Variants in KCNIP4 observed in about 807,000 individuals in gnomAD.
KCNIP4 encodes the protein potassium voltage-gated channel interacting protein 4.
KCNIP4 carries 12 observed loss-of-function variants against 34.0 expected under a neutral mutation model. The observed-to-expected ratio is 0.35, with a 90% CI of 0.23 to 0.57. The LOEUF is 0.57. Ranked by LOEUF, KCNIP4 falls within the 20% of genes least tolerant of loss-of-function variation. The pLI is 0.83. For missense variants in KCNIP4, 238 were observed against 311.7 expected (o/e 0.76, Z 1.78); for synonymous variants, 124 against 102.2 (o/e 1.21, Z -1.29).
intron 1 of KCNIP4, among the ~76,000 whole-genome samples, chr4:21,544,119 A>G (rs1365038647): frequency 6.6e-6 from 1 of 152,080 alleles, no homozygotes; most frequent in Non-Finnish European, 1.5e-5. Context: ...GGTCTTTCCC[A>G]GCTTTTTGCA....
chr4:21,654,934 G>A (rs1006147731), intron 1 of KCNIP4, among the ~76,000 whole-genome samples: 3 of 151,272 alleles, frequency 2.0e-5, no homozygotes, highest in African/African-American at 7.3e-5. Context: ...AAAAAAAAAA[G>A]GAAAGAAAAA....
chr4:21,293,071 G>C (rs1025889248), intron 1 of KCNIP4, among the ~76,000 whole-genome samples: 2 of 152,198 alleles, frequency 1.3e-5, no homozygotes, highest in African/African-American at 4.8e-5. Flanking sequence ...GACATGGATA[G>C]ATAACCATAT....
intron 3 of KCNIP4, among the ~76,000 whole-genome samples, chr4:20,764,700 A>ACG (rs1755237988): frequency 1.3e-5 from 2 of 151,462 alleles, no homozygotes; most frequent in African/African-American, 4.9e-5. Flanking sequence ...ACACACACAC[A>ACG]CACACACAAC....
intron 7 of KCNIP4, among the ~76,000 whole-genome samples, 187 bp from the exon 8 acceptor site, chr4:20,732,255 T>C (rs973603386): frequency 1.2e-4 from 19 of 152,198 alleles, no homozygotes; most frequent in African/African-American, 4.3e-4. Context: ...TGCTTCTGGC[T>C]TTTCCCTTTT....
At chr4:21,534,514 A>T (rs1736992457) in intron 1 of KCNIP4, among the ~76,000 whole-genome samples, 1 of 152,174 alleles carries the variant, frequency 6.6e-6, no homozygotes, top group African/African-American at 2.4e-5. Context: ...AGCTGTAGTG[A>T]TAGTGCCCAT....
At chr4:21,806,834 G>A (rs1488808217) in intron 1 of KCNIP4, among the ~76,000 whole-genome samples, 1 of 152,138 alleles carries the variant, frequency 6.6e-6, no homozygotes, top group South Asian at 2.1e-4. Flanking sequence ...CCAGGGATCG[G>A]TTTAGTGGAA....
At chr4:21,274,110 A>G (rs1454118860) in intron 1 of KCNIP4, among the ~76,000 whole-genome samples, 1 of 152,208 alleles carries the variant, frequency 6.6e-6, no homozygotes, top group African/African-American at 2.4e-5. Flanking sequence ...TTGTTCTTTC[A>G]TTAAAAATAC....
At chr4:20,814,803 G>C (rs1462004410) in intron 3 of KCNIP4, among the ~76,000 whole-genome samples, 5 of 152,106 alleles carry the variant, frequency 3.3e-5, no homozygotes, top group African/African-American at 4.8e-5. Flanking sequence ...AGAATTATAG[G>C]ACGACCTGGA....
intron 1 of KCNIP4, among the ~76,000 whole-genome samples, chr4:20,946,058 T>A (rs1308856629): frequency 6.6e-6 from 1 of 152,128 alleles, no homozygotes; most frequent in Admixed American, 6.5e-5. Context: ...TTTATATATG[T>A]CAGACACTGC....
chr4:21,635,369 C>T (rs78276309), intron 1 of KCNIP4, among the ~76,000 whole-genome samples: 3,036 of 152,228 alleles, frequency 0.02, 54 homozygotes, highest in Non-Finnish European at 0.032. Context: ...AGAAGGATGG[C>T]GACTACAAAG....
In KCNIP4 at chr4:20,978,138, T is replaced by A. The variant is rs182237724; in HGVS notation, c.62-95429A>T. On this transcript the variant is annotated intron_variant, in intron 1 of 8. Coordinates refer to ENST00000382152, the MANE Select transcript of KCNIP4 (RefSeq NM_025221.6). ...GGACTCTGCAACTCATTGTTGGTTA[T>A]CTTAATTGAAATTATCTCCCTGGCT... is the stretch of plus-strand genomic sequence containing the variant. Among the ~76,000 whole-genome samples, 32 of 152,354 alleles carry A rather than the reference T, an allele frequency of 2.1e-4. No individual in the cohort carries two copies. In the South Asian group the frequency reaches 2.9e-3, roughly 14 times the overall value.
chr4:21,782,635 C>A (rs533333871), intron 1 of KCNIP4, among the ~76,000 whole-genome samples: 1 of 152,136 alleles, frequency 6.6e-6, no homozygotes, highest in African/African-American at 2.4e-5. Flanking sequence ...GAGGTTGAGG[C>A]CGCAGTGAGC....
chr4:21,195,487 G>GTGAGCC (rs929106775), intron 1 of KCNIP4, among the ~76,000 whole-genome samples: 8 of 152,184 alleles, frequency 5.3e-5, no homozygotes, highest in African/African-American at 1.9e-4. Context: ...ATGTTCATTT[G>GTGAGCC]TGAGCCCAGG....
chr4:21,106,620 T>A (rs1266665562), intron 1 of KCNIP4, among the ~76,000 whole-genome samples: 1 of 151,602 alleles, frequency 6.6e-6, no homozygotes. Context: ...TGATTTTAGT[T>A]ATTTCCTGCC....
At chr4:21,926,376 G>T (rs576565624) in intron 1 of KCNIP4, among the ~76,000 whole-genome samples, 37 of 152,288 alleles carry the variant, frequency 2.4e-4, no homozygotes, top group African/African-American at 8.9e-4. Flanking sequence ...TTACTTAGAA[G>T]AAGAGAGTTC....
chr4:20,955,919 A>G (rs1311691301), intron 1 of KCNIP4, among the ~76,000 whole-genome samples: 1 of 152,186 alleles, frequency 6.6e-6, no homozygotes, highest in Admixed American at 6.5e-5. Flanking sequence ...TATTATTGGA[A>G]TGGAATAAAG....
At chr4:20,779,475 CCA>C (rs1454338133) in intron 3 of KCNIP4, among the ~76,000 whole-genome samples, 1 of 151,848 alleles carries the variant, frequency 6.6e-6, no homozygotes, top group Non-Finnish European at 1.5e-5. Flanking sequence ...TTCGGTGACC[CCA>C]GAGCCATATA....
At chr4:21,057,204 C>G (rs1015607423) in intron 1 of KCNIP4, among the ~76,000 whole-genome samples, 1 of 151,924 alleles carries the variant, frequency 6.6e-6, no homozygotes, top group Admixed American at 6.6e-5. Context: ...GTTTACAATG[C>G]GTACAAATCA....
At chr4:20,852,866 C>A (rs1485682251) in intron 2 of KCNIP4, among the ~76,000 whole-genome samples, 2 of 152,086 alleles carry the variant, frequency 1.3e-5, no homozygotes, top group African/African-American at 4.8e-5. Flanking sequence ...AGAACTCAAC[C>A]CCTTTACAAT....
Sources: allele counts gnomAD v4.1 joint callset (sites outside exome capture counted in the v4.1 genomes callset), GRCh38; gene constraint gnomAD v4.1.1; transcripts MANE v1.5; gene names NCBI Gene and HGNC (gene_info 2026-07-23, HGNC 2026-07-21).